HS3ST4: variants seen among roughly 807,000 people sequenced by gnomAD.
HS3ST4 encodes the protein heparan sulfate glucosamine 3-O-sulfotransferase 4.
Under a neutral mutation model 29.2 loss-of-function variants are expected in HS3ST4, and 17 were observed. That is an observed-to-expected ratio of 0.58 (90% CI 0.40 to 0.87). The LOEUF (loss-of-function observed/expected upper bound fraction) is 0.87, where lower values mean the gene tolerates loss of function less well. Ranked by LOEUF, HS3ST4 falls within the 40% of genes least tolerant of loss-of-function variation. The probability of loss-of-function intolerance (pLI) is 0.00; values close to 1 mark genes in which losing one functional copy is unlikely to be tolerated. For synonymous variants in HS3ST4, 314 were observed against 285.7 expected (o/e 1.10, Z -1.00); for missense variants, 627 against 634.5 (o/e 0.99, Z 0.13).
intron 1 of HS3ST4, among the ~76,000 whole-genome samples, chr16:26,040,294 T>C (rs1369452450): frequency 6.6e-6 from 1 of 150,780 alleles, no homozygotes; most frequent in African/African-American, 2.5e-5. Context: ...GTATCTTTCT[T>C]TCTTTTTTTT....
Position 26,062,266 on chromosome 16 carries a change from G to A in HS3ST4, c.735-73346G>A, listed in dbSNP as rs60973356. Among the ~76,000 whole-genome samples the A allele has an allele frequency of 9.4e-3, 1,432 of 152,274 alleles. 35 individuals carry two copies. Among genetic ancestry groups the A allele is most frequent in the African/African-American group, 0.033 (1,372 of 41,564 alleles). On this transcript the variant is annotated intron_variant, in intron 1 of 1. Transcript: ENST00000331351. Reference sequence around the variant, plus strand: ...GGAGTCAGACAGAGCTGGTTCAACTGGTGGATCCAGTTCTAATGTGCTGTT... The same window carrying A: ...GGAGTCAGACAGAGCTGGTTCAACTAGTGGATCCAGTTCTAATGTGCTGTT...
rs73524749 is a variant in HS3ST4 at position 25,719,224 on chromosome 16, G to A, written c.734+26073G>A. 9.2e-3 allele frequency among the ~76,000 whole-genome samples: 1,404 copies of A among 152,334 alleles called. 22 individuals carry two copies. Among genetic ancestry groups the A allele is most frequent in the African/African-American group, 0.032 (1,349 of 41,576 alleles). ...ATTTAGTTTTAGTTCTCAGGAAGTT[G>A]CTGGGGCAAAGGGAGGGAAATGAAT... On this transcript the variant is annotated intron_variant, in intron 1 of 1. Transcript: ENST00000331351.
chr16:25,828,193 T>C (rs13329852), intron 1 of HS3ST4, among the ~76,000 whole-genome samples: 3 of 146,958 alleles, frequency 2.0e-5, no homozygotes, highest in Non-Finnish European at 3.0e-5. Flanking sequence ...TCTTTCTTTC[T>C]TTTCTTTCTT....
At chr16:26,067,667 A>G (rs1898557831) in intron 1 of HS3ST4, among the ~76,000 whole-genome samples, 2 of 152,206 alleles carry the variant, frequency 1.3e-5, no homozygotes, top group Admixed American at 1.3e-4. Flanking sequence ...TTACATCTCC[A>G]GAAAAGACAA....
At chr16:25,813,869 G>C (rs189267178) in intron 1 of HS3ST4, among the ~76,000 whole-genome samples, 1 of 152,188 alleles carries the variant, frequency 6.6e-6, no homozygotes, top group Non-Finnish European at 1.5e-5. Flanking sequence ...ATAAATTGTG[G>C]TGAGATAGGA....
chr16:25,803,642 C>T (rs746304232), intron 1 of HS3ST4, among the ~76,000 whole-genome samples: 3 of 152,100 alleles, frequency 2.0e-5, no homozygotes, highest in Non-Finnish European at 4.4e-5. Context: ...ATCTTTGGTT[C>T]TCTTTGTGTC....
chr16:25,986,789 C>G (rs1201803121), intron 1 of HS3ST4, among the ~76,000 whole-genome samples: 2 of 152,196 alleles, frequency 1.3e-5, no homozygotes, highest in Non-Finnish European at 2.9e-5. Flanking sequence ...CATGGTGGCG[C>G]TTGACTCTGA....
At position 26,135,635 on chromosome 16, in the gene HS3ST4, A is replaced by G; in HGVS notation, c.758A>G (p.Asp253Gly). 6.2e-7 allele frequency: 1 copy of G among 1,606,512 alleles called. No individual in the cohort carries two copies. ...WYRNVMPKTL[D>G]GQITMEKTPS... is the part of the protein sequence containing the mutation. ...AGAAATGTGATGCCCAAGACTTTGG[A>G]TGGGCAAATAACCATGGAGAAGACT... Residue 253 changes from aspartate to glycine, a missense_variant, in exon 2 of 2, where the codon GAT becomes GGT. Asp to Gly is a moderately conservative substitution (Grantham distance 94, BLOSUM62 -1). Around this residue, in one of 2 missense-constraint regions of HS3ST4, gnomAD observed 225 missense variants for 293.7 expected, o/e 0.77. Transcript: ENST00000331351.
At chr16:25,860,290 C>G (rs1967623442) in intron 1 of HS3ST4, among the ~76,000 whole-genome samples, 2 of 152,198 alleles carry the variant, frequency 1.3e-5, no homozygotes, top group African/African-American at 4.8e-5. Flanking sequence ...CTTTGGAAGA[C>G]AGTTTGGCAG....
intron 1 of HS3ST4, among the ~76,000 whole-genome samples, chr16:25,860,861 A>G (rs1279145128): frequency 6.6e-6 from 1 of 152,158 alleles, no homozygotes; most frequent in South Asian, 2.1e-4. Context: ...AATGTAAACT[A>G]TGGACTTTGG....
At chr16:26,135,221 C>T (rs769340126) in intron 1 of HS3ST4, among the ~76,000 whole-genome samples, 4 of 152,090 alleles carry the variant, frequency 2.6e-5, no homozygotes, top group Admixed American at 6.6e-5. Flanking sequence ...CTTCATTGCT[C>T]AATGCTTTTT....
In HS3ST4 at chr16:25,828,315, T is replaced by TTTCC. The variant is rs1212906110; in HGVS notation, c.734+135164_734+135165insTTCC. Reference sequence around the variant, plus strand: ...TTCTTTCTTTCCCTCTCTCTCTCTCTCTCTCTCTCTCTCTCTCTCTCTCTT... The same window carrying TTTCC: ...TTCTTTCTTTCCCTCTCTCTCTCTCTTTCCCTCTCTCTCTCTCTCTCTCTCTCTT... On this transcript the variant is annotated intron_variant, in intron 1 of 1. Transcript: ENST00000331351. 1.3e-3 allele frequency among the ~76,000 whole-genome samples: 167 copies of TTTCC among 129,072 alleles called. 2 individuals carry two copies. Among genetic ancestry groups the TTTCC allele is most frequent in the African/African-American group, 4.3e-3 (129 of 30,264 alleles). 84.7% of individuals were successfully genotyped at this position (129,072 alleles called of 152,430 possible). A position where few individuals can be genotyped will look rare whatever the true frequency, so the allele number is the denominator to read the frequency against.
At chr16:25,948,970 A>G (rs916092786) in intron 1 of HS3ST4, among the ~76,000 whole-genome samples, 1 of 152,154 alleles carries the variant, frequency 6.6e-6, no homozygotes, top group South Asian at 2.1e-4. Context: ...CAGCCCAGAG[A>G]CTTTGCAGAT....
At chr16:26,112,181 A>G (rs908327544) in intron 1 of HS3ST4, among the ~76,000 whole-genome samples, 7 of 151,978 alleles carry the variant, frequency 4.6e-5, no homozygotes, top group African/African-American at 1.7e-4. Flanking sequence ...TCTTGAGAAA[A>G]TCAATTTCAA....
rs117098885 is a variant in HS3ST4, at chr16:25,732,534, G to A, written c.734+39383G>A. Among the ~76,000 whole-genome samples the A allele has an allele frequency of 1.1e-3, 160 of 152,174 alleles. 5 individuals carry two copies. The East Asian group carries it at 0.023, about 21-fold the overall frequency. ...TTCCAGCTTTTCACAGTGACACCCC[G>A]TCACCTTCAGCTGGTGTTCTGGGTG... On this transcript the variant is annotated intron_variant, in intron 1 of 1. Coordinates refer to ENST00000331351, the MANE Select transcript of HS3ST4 (RefSeq NM_006040.3).
intron 1 of HS3ST4, among the ~76,000 whole-genome samples, chr16:26,069,886 T>C (rs940630618): frequency 3.9e-5 from 6 of 152,098 alleles, no homozygotes; most frequent in African/African-American, 1.4e-4. Context: ...GGACATGAAC[T>C]CATCATTTTT....
chr16:25,892,958 T>A (rs1968024519), intron 1 of HS3ST4, among the ~76,000 whole-genome samples: 1 of 152,132 alleles, frequency 6.6e-6, no homozygotes, highest in South Asian at 2.1e-4. Flanking sequence ...ATAATTTTAG[T>A]TGATAGTATA....
In HS3ST4 at chr16:25,802,799, T is replaced by C. The variant is rs13336720; in HGVS notation, c.734+109648T>C. 1.2e-4 allele frequency among the ~76,000 whole-genome samples: 18 copies of C among 152,144 alleles called. No homozygotes were observed. In the South Asian group the frequency reaches 1.2e-3, roughly 11 times the overall value. ...ATCGTTTCCATCTGGGTTGCGTGTA[T>C]TTTTTTCTCTGAAGTTATTTCAAGG... On this transcript the variant is annotated intron_variant, in intron 1 of 1. Coordinates refer to ENST00000331351, the MANE Select transcript of HS3ST4 (RefSeq NM_006040.3).
chr16:25,948,304 A>G (rs1368040577), intron 1 of HS3ST4, among the ~76,000 whole-genome samples: 2 of 152,188 alleles, frequency 1.3e-5, no homozygotes, highest in Non-Finnish European at 2.9e-5. Context: ...TGTTTAAATC[A>G]GAGCAGCTCC....
Sources: allele counts gnomAD v4.1 joint callset (sites outside exome capture counted in the v4.1 genomes callset), GRCh38; gene constraint gnomAD v4.1.1; regional missense constraint gnomAD v4.1.1; transcripts MANE v1.5; gene names NCBI Gene and HGNC (gene_info 2026-07-23, HGNC 2026-07-21).